The following NRCAM variants were observed in gnomAD, a reference collection of about 807,000 sequenced individuals.
The protein encoded by NRCAM is neuronal cell adhesion molecule.
In NRCAM, 83 loss-of-function variants were observed where a neutral mutation model predicts 156.5. The observed-to-expected ratio is 0.53, with a 90% CI of 0.44 to 0.64. The LOEUF (loss-of-function observed/expected upper bound fraction) is 0.64, where lower values mean the gene tolerates loss of function less well. NRCAM is among the 30% of genes least tolerant of loss of function. NRCAM has a pLI of 0.00. For synonymous variants in NRCAM, 538 were observed against 563.9 expected (o/e 0.95, Z 0.65); for missense variants, 1,417 against 1,597.3 (o/e 0.89, Z 1.92).
rs58111040 is a variant in NRCAM, at chr7:108,155,101, TACACACAC to T, written c.3677+4354_3677+4361del. 1.6e-3 allele frequency among the ~76,000 whole-genome samples: 201 copies of T among 123,110 alleles called. 1 individual carries two copies. Among genetic ancestry groups the T allele is most frequent in the Non-Finnish European group, 2.3e-3 (142 of 61,524 alleles). 80.8% of individuals were successfully genotyped at this position (123,110 alleles called of 152,430 possible). A position where few individuals can be genotyped will look rare whatever the true frequency, so the allele number is the denominator to read the frequency against. ...GATTTAAAAGTCATATATATATATA[TACACACAC>T]ACACACACACACACACACACACACA... is the stretch of plus-strand genomic sequence containing the variant. On this transcript the variant is annotated intron_variant, in intron 32 of 32. Transcript: ENST00000379028.
intron 27 of NRCAM, 133 bp downstream of exon 27, chr7:108,176,297 A>G: frequency 1.3e-6 from 1 of 744,054 alleles, no homozygotes; most frequent in Non-Finnish European, 2.2e-6. Context: ...TATCAGAATG[A>G]GAAATTACAA....
chr7:108,452,835 G>T (rs1397765802), intron 1 of NRCAM, among the ~76,000 whole-genome samples: 6 of 151,980 alleles, frequency 3.9e-5, no homozygotes, highest in Non-Finnish European at 7.4e-5. Flanking sequence ...TCCAATAGCT[G>T]CTGATCTATG....
intron 2 of NRCAM, among the ~76,000 whole-genome samples, chr7:108,316,243 C>T (rs1389533773): frequency 6.6e-6 from 1 of 152,204 alleles, no homozygotes; most frequent in African/African-American, 2.4e-5. Context: ...CTCTTGCTTT[C>T]ATGTACACTC....
chr7:108,309,919 T>G (rs896530623), intron 3 of NRCAM, among the ~76,000 whole-genome samples: 1 of 152,160 alleles, frequency 6.6e-6, no homozygotes, highest in Non-Finnish European at 1.5e-5. Context: ...GATTTTGTAA[T>G]AAAATACAGG....
At chr7:108,421,443 AC>A (rs1208199683) in intron 1 of NRCAM, among the ~76,000 whole-genome samples, 2 of 152,306 alleles carry the variant, frequency 1.3e-5, no homozygotes, top group East Asian at 1.9e-4. Flanking sequence ...AGACTAAGTC[AC>A]CCCCAATGAG....
Position 108,197,971 on chromosome 7 carries a change from A to C in NRCAM, c.1336T>G (p.Phe446Val). The C allele has an allele frequency of 6.3e-7, 1 of 1,576,154 alleles. No individual in the cohort carries two copies. Among genetic ancestry groups the C allele is most frequent in the Non-Finnish European group, 8.6e-7 (1 of 1,164,366 alleles). Residue 446 changes from phenylalanine (F) to valine (V), a missense_variant, in exon 14 of 33, where the codon TTT becomes GTT. Physicochemically the swap from Phe to Val is conservative, Grantham distance 50 (BLOSUM62 -1). Transcript: ENST00000379028. ...GAGAGCTTACCCAGCACATTTACAA[A>C]TGCGTTTGCCAGTAAATATCCATAT... ...NEYGYLLANA[F>V]VNVLAEPPRI...
At chr7:108,386,304 A>C (rs1322000436) in intron 2 of NRCAM, among the ~76,000 whole-genome samples, 3 of 152,176 alleles carry the variant, frequency 2.0e-5, no homozygotes, top group Admixed American at 6.6e-5. Context: ...AGTAATTTAG[A>C]AACTTCTTAG....
At chr7:108,432,673 A>C (rs1266804784) in intron 1 of NRCAM, among the ~76,000 whole-genome samples, 1 of 152,166 alleles carries the variant, frequency 6.6e-6, no homozygotes, top group African/African-American at 2.4e-5. Context: ...GAGGCCGAGG[A>C]GGGCAGATCA....
intron 1 of NRCAM, among the ~76,000 whole-genome samples, chr7:108,401,861 C>T (rs1004473867): frequency 3.9e-5 from 6 of 152,198 alleles, no homozygotes; most frequent in Admixed American, 2.6e-4. Context: ...TTTTTTGTCT[C>T]AATGCATCCT....
chr7:108,447,333 T>C (rs796939131), intron 1 of NRCAM, among the ~76,000 whole-genome samples: 5 of 149,240 alleles, frequency 3.4e-5, no homozygotes, highest in African/African-American at 1.2e-4. Context: ...TGGCACAATC[T>C]TGGCTCACTG....
intron 1 of NRCAM, among the ~76,000 whole-genome samples, chr7:108,443,879 T>TATAGATAGATAGATAGATAG (rs142458020): frequency 0.057 from 8,463 of 148,086 alleles, 291 homozygotes; most frequent in African/African-American, 0.072. Flanking sequence ...AGTATACAGA[T>TATAGATAGATAGATAGATAG]ATAGATAGAT....
chr7:108,316,000 C>T (rs767542690), intron 2 of NRCAM, among the ~76,000 whole-genome samples: 3 of 152,206 alleles, frequency 2.0e-5, no homozygotes, highest in Admixed American at 6.5e-5. Flanking sequence ...TTGTCATATA[C>T]ATAAATGTAG....
At chr7:108,289,883 A>T (rs2098232971) in intron 3 of NRCAM, among the ~76,000 whole-genome samples, 1 of 152,176 alleles carries the variant, frequency 6.6e-6, no homozygotes, top group South Asian at 2.1e-4. Context: ...TCTGTATTGC[A>T]GTGAATCCTT....
chr7:108,167,274 T>C (rs577220038), intron 29 of NRCAM, among the ~76,000 whole-genome samples: 38 of 152,220 alleles, frequency 2.5e-4, no homozygotes, highest in South Asian at 6.2e-4. Context: ...CAAAGAAAAA[T>C]AGACTGGGTA....
chr7:108,348,146 G>A (rs1170887377), intron 2 of NRCAM, among the ~76,000 whole-genome samples: 3 of 152,202 alleles, frequency 2.0e-5, no homozygotes, highest in African/African-American at 4.8e-5. Flanking sequence ...GTGATGTGTC[G>A]TATCTCCTTT....
At chr7:108,447,259 C>CTTTTTTTTT (rs34273772) in intron 1 of NRCAM, among the ~76,000 whole-genome samples, 14 of 84,226 alleles carry the variant, frequency 1.7e-4, no homozygotes, top group Non-Finnish European at 2.2e-4. Flanking sequence ...TCACTTCTTT[C>CTTTTTTTTT]TTTTTTTTTT....
At chr7:108,195,711 C>G (rs751734234) in intron 15 of NRCAM, 50 bp downstream of exon 15, 6 of 999,470 alleles carry the variant, frequency 6.0e-6, no homozygotes, top group African/African-American at 1.6e-5. Context: ...GAATATGAAG[C>G]CTTTAGCAAA....
chr7:108,336,420 T>A (rs1258347329), intron 2 of NRCAM, among the ~76,000 whole-genome samples: 1 of 152,244 alleles, frequency 6.6e-6, no homozygotes, highest in African/African-American at 2.4e-5. Context: ...TGATTTAACA[T>A]TATCTGTAGG....
intron 2 of NRCAM, among the ~76,000 whole-genome samples, chr7:108,373,094 A>C (rs2099639580): frequency 6.6e-6 from 1 of 152,180 alleles, no homozygotes; most frequent in African/African-American, 2.4e-5. Context: ...TAAGCTAGTC[A>C]CAGGAAGATA....
Sources: allele counts gnomAD v4.1 joint callset (sites outside exome capture counted in the v4.1 genomes callset), GRCh38; gene constraint gnomAD v4.1.1; transcripts MANE v1.5; gene names NCBI Gene and HGNC (gene_info 2026-07-23, HGNC 2026-07-21).